The following PATL2 variants were observed in gnomAD, a reference collection of about 807,000 sequenced individuals.
PATL2 encodes PAT1 homolog 2.
In PATL2, 73 loss-of-function variants were observed where a neutral mutation model predicts 77.0. The ratio of observed to expected loss-of-function variants is 0.95; its 90% confidence interval spans 0.78 to 1.15. The LOEUF (loss-of-function observed/expected upper bound fraction) is 1.15. Among genes scored for constraint, PATL2 ranks in the 50% most tolerant of loss-of-function variants. PATL2 has a pLI of 0.00. For missense variants in PATL2, 618 were observed against 655.4 expected, an observed-to-expected ratio of 0.94 and a Z score of 0.62; for synonymous variants, 265 against 257.1, an observed-to-expected ratio of 1.03 and a Z score of -0.29.
At chr15:44,666,003 C>T in intron 17 of PATL2, 32 bp from the exon 18 acceptor site, 2 of 1,494,866 alleles carry the variant, frequency 1.3e-6, no homozygotes, top group South Asian at 1.3e-5. Flanking sequence ...ACTGCAAGCA[C>T]AATTCTACTT....
chr15:44,669,447 T>C (rs2085551394), intron 12 of PATL2, 34 bp from the exon 13 acceptor site: 1 of 1,548,626 alleles, frequency 6.5e-7, no homozygotes, highest in Non-Finnish European at 8.7e-7. Flanking sequence ...AGAGGTAAAT[T>C]TGGGTAATAT....
At chr15:44,706,442 A>G (rs1182676611) in intron 3 of PATL2, among the ~76,000 whole-genome samples, 2 of 152,208 alleles carry the variant, frequency 1.3e-5, no homozygotes, top group African/African-American at 4.8e-5. Context: ...TGAGGTTACC[A>G]TGAGGTTTGC....
intron 7 of PATL2, 105 bp from the exon 8 acceptor site, chr15:44,672,561 T>A: frequency 8.6e-7 from 1 of 1,162,712 alleles, no homozygotes; most frequent in South Asian, 1.4e-5. Context: ...TAAGGAACCT[T>A]ATCTGTTTAG....
intron 16 of PATL2, 193 bp downstream of exon 16, chr15:44,666,913 A>T (rs748396344): frequency 3.4e-6 from 2 of 583,002 alleles, no homozygotes; most frequent in Non-Finnish European, 6.1e-6. Context: ...GTACTATGTT[A>T]TACTGCCTCC....
intron 3 of PATL2, among the ~76,000 whole-genome samples, chr15:44,701,604 G>A (rs2086630439): frequency 6.6e-6 from 1 of 150,434 alleles, no homozygotes; most frequent in South Asian, 2.1e-4. Flanking sequence ...GCTGAGGCAT[G>A]AGAATTGCTT....
chr15:44,706,956 C>T (rs1337754309), intron 3 of PATL2, among the ~76,000 whole-genome samples: 2 of 152,142 alleles, frequency 1.3e-5, no homozygotes, highest in African/African-American at 2.4e-5. Flanking sequence ...GAACTGGCAC[C>T]CAAGCCACAA....
At chr15:44,668,537 T>C in intron 14 of PATL2, 55 bp from the exon 15 acceptor site, 1 of 1,531,218 alleles carries the variant, frequency 6.5e-7, no homozygotes, top group South Asian at 1.2e-5. Context: ...CACCTCCCCT[T>C]ACCTTGCTTC....
At chr15:44,698,448 C>T (rs1454582774) in intron 3 of PATL2, among the ~76,000 whole-genome samples, 1 of 151,972 alleles carries the variant, frequency 6.6e-6, no homozygotes, top group Non-Finnish European at 1.5e-5. Context: ...TCCATGAATT[C>T]AGTTGCTGTA....
intron 3 of PATL2, among the ~76,000 whole-genome samples, chr15:44,701,050 T>A (rs2084831): frequency 6.6e-6 from 1 of 152,188 alleles, no homozygotes; most frequent in Non-Finnish European, 1.5e-5. Flanking sequence ...CTTCATTCTG[T>A]TGATATGATA....
intron 7 of PATL2, among the ~76,000 whole-genome samples, 199 bp from the exon 8 acceptor site, chr15:44,672,655 C>T (rs1419339304): frequency 6.6e-6 from 1 of 152,178 alleles, no homozygotes; most frequent in Admixed American, 6.6e-5. Flanking sequence ...TATTTTCCTG[C>T]AATTTGGCTG....
intron 3 of PATL2, among the ~76,000 whole-genome samples, chr15:44,694,808 C>T (rs926618602): frequency 2.6e-5 from 4 of 152,144 alleles, no homozygotes; most frequent in Non-Finnish European, 5.9e-5. Context: ...ATGGCTGACA[C>T]CAATCAAACT....
intron 3 of PATL2, among the ~76,000 whole-genome samples, chr15:44,679,116 G>A (rs2086068771): frequency 6.6e-6 from 1 of 152,178 alleles, no homozygotes; most frequent in South Asian, 2.1e-4. Context: ...AGGCTGGAGT[G>A]CATTGGCACG....
At chr15:44,707,180 C>T (rs943978957) in intron 3 of PATL2, among the ~76,000 whole-genome samples, 2 of 151,936 alleles carry the variant, frequency 1.3e-5, no homozygotes, top group Non-Finnish European at 2.9e-5. Flanking sequence ...AGAGCAGGTC[C>T]AGGAATGCTA....
At chr15:44,702,040 T>G (rs2086640981) in intron 3 of PATL2, among the ~76,000 whole-genome samples, 1 of 152,128 alleles carries the variant, frequency 6.6e-6, no homozygotes, top group South Asian at 2.1e-4. Context: ...ATACTAGGGA[T>G]TACAATTCAA....
chr15:44,679,376 GT>G (rs1226582302), intron 3 of PATL2, among the ~76,000 whole-genome samples: 1 of 151,928 alleles, frequency 6.6e-6, no homozygotes, highest in Non-Finnish European at 1.5e-5. Flanking sequence ...GATTACAGGG[GT>G]GTGCCATGCC....
intron 17 of PATL2, 143 bp from the exon 18 acceptor site, chr15:44,666,114 G>GAGGGACAACTAT: frequency 1.1e-6 from 1 of 890,024 alleles, no homozygotes; most frequent in Non-Finnish European, 1.7e-6. Context: ...TAGAATAGTT[G>GAGGGACAACTAT]TCCCTCAAGT....
Position 44,671,218 on chromosome 15 carries a change from G to A in PATL2, c.657+797C>T, listed in dbSNP as rs141260776. On this transcript the variant is annotated intron_variant, in intron 9 of 17. Transcript: ENST00000682850. ...GAAAGTGAAACAGCCAGCCGGGCGC[G>A]GTTGCTCATGCCTGTAATCTCAGCA... is the stretch of plus-strand genomic sequence containing the variant. Among the ~76,000 whole-genome samples, 669 of 152,256 alleles carry A rather than the reference G, an allele frequency of 4.4e-3. 4 individuals carry two copies. Among genetic ancestry groups the A allele is most frequent in the African/African-American group, 0.016 (648 of 41,548 alleles).
chr15:44,697,675 C>T (rs987505780), intron 3 of PATL2, among the ~76,000 whole-genome samples: 10 of 152,112 alleles, frequency 6.6e-5, no homozygotes, highest in African/African-American at 1.4e-4. Context: ...TCCAAAGCCT[C>T]CCAATTACTT....
At chr15:44,691,460 C>G (rs2086389591) in intron 3 of PATL2, among the ~76,000 whole-genome samples, 1 of 152,072 alleles carries the variant, frequency 6.6e-6, no homozygotes, top group African/African-American at 2.4e-5. Flanking sequence ...GAGTTCGAGA[C>G]CAGCCTCACC....
Sources: gnomAD v4.1 joint callset for allele counts (sites outside exome capture counted in the v4.1 genomes callset) on GRCh38, gnomAD v4.1.1 for gene constraint, MANE v1.5 for transcripts, NCBI Gene and HGNC (gene_info 2026-07-23, HGNC 2026-07-21) for gene names.